AGBL1: variants seen among roughly 807,000 people sequenced by gnomAD.
AGBL1 encodes the protein AGBL carboxypeptidase 1, also known as cytosolic carboxypeptidase 4.
In AGBL1, 130 loss-of-function variants were observed where a neutral mutation model predicts 118.9. The ratio of observed to expected loss-of-function variants is 1.09; its 90% confidence interval spans 0.95 to 1.26. The LOEUF (loss-of-function observed/expected upper bound fraction) is 1.26, where lower values mean the gene tolerates loss of function less well. Among genes scored for constraint, AGBL1 ranks in the 50% most tolerant of loss-of-function variants. The pLI is 0.00. For missense variants in AGBL1, 1,584 were observed against 1,298.1 expected (o/e 1.22, Z -3.38); for synonymous variants, 555 against 478.9 (o/e 1.16, Z -2.08).
chr15:86,303,521 G>A (rs190606854), intron 17 of AGBL1, among the ~76,000 whole-genome samples: 3 of 152,172 alleles, frequency 2.0e-5, no homozygotes, highest in South Asian at 2.1e-4. Context: ...GACTGTTGTC[G>A]GGGGATAAGA....
intron 17 of AGBL1, among the ~76,000 whole-genome samples, chr15:86,378,696 T>C (rs1174555225): frequency 6.6e-6 from 1 of 152,036 alleles, no homozygotes; most frequent in Non-Finnish European, 1.5e-5. Flanking sequence ...TTATTATTAT[T>C]ATTATACCCA....
chr15:86,866,778 G>A (rs1301041066), intron 22 of AGBL1, among the ~76,000 whole-genome samples: 1 of 152,172 alleles, frequency 6.6e-6, no homozygotes, highest in East Asian at 1.9e-4. Context: ...CTTGAACCTG[G>A]GAGGCAGAGG....
At chr15:86,184,849 C>T (rs1026023652) in intron 5 of AGBL1, among the ~76,000 whole-genome samples, 2 of 152,118 alleles carry the variant, frequency 1.3e-5, no homozygotes, top group Non-Finnish European at 2.9e-5. Flanking sequence ...GCCAAAAGAA[C>T]AGAACTGGAG....
At position 86,564,061 on chromosome 15, in the gene AGBL1, G is replaced by T. The variant is rs200347538; in HGVS notation, c.2994+9524G>T. ...GATGGGTCTCCTGAATACAGCACAC[G>T]GATGGGTCTTGACTCTTTATCCAAT... is the stretch of plus-strand genomic sequence containing the variant. On this transcript the variant is annotated intron_variant, in intron 21 of 22. Coordinates refer to ENST00000614907, the MANE Select transcript of AGBL1 (RefSeq NM_001386094.1). Among the ~76,000 whole-genome samples the T allele has an allele frequency of 6.4e-3, 978 of 152,154 alleles. 8 individuals carry two copies. Among genetic ancestry groups the T allele is most frequent in the South Asian group, 0.044 (211 of 4,822 alleles).
chr15:86,205,334 GTTTA>G (rs1475798594), intron 5 of AGBL1, among the ~76,000 whole-genome samples: 1 of 152,152 alleles, frequency 6.6e-6, no homozygotes, highest in Non-Finnish European at 1.5e-5. Flanking sequence ...ATGTAGCAAA[GTTTA>G]TTTATTCATT....
At chr15:86,669,622 AGG>A (rs1271046232) in intron 21 of AGBL1, among the ~76,000 whole-genome samples, 2 of 152,204 alleles carry the variant, frequency 1.3e-5, no homozygotes, top group Non-Finnish European at 2.9e-5. Flanking sequence ...ATCCAAGATA[AGG>A]AGAAGATCTT....
intron 17 of AGBL1, chr15:86,296,414 C>G (rs1206208356): frequency 1.3e-5 from 2 of 148,902 alleles, no homozygotes; most frequent in South Asian, 4.3e-4. Context: ...ACAGCCTTCC[C>G]TGATGAAGAC....
chr15:86,399,040 C>G (rs1255318118), intron 18 of AGBL1, among the ~76,000 whole-genome samples: 3 of 152,046 alleles, frequency 2.0e-5, no homozygotes, highest in Non-Finnish European at 4.4e-5. Flanking sequence ...GAATGTTGGG[C>G]AGAGAGCAGG....
At chr15:86,570,342 G>A (rs2083986815) in intron 21 of AGBL1, among the ~76,000 whole-genome samples, 1 of 152,222 alleles carries the variant, frequency 6.6e-6, no homozygotes, top group Admixed American at 6.5e-5. Flanking sequence ...AATAGGGGAA[G>A]TACAGAGATT....
At chr15:86,112,367 G>T (rs992659464) in intron 1 of AGBL1, among the ~76,000 whole-genome samples, 3 of 152,058 alleles carry the variant, frequency 2.0e-5, no homozygotes, top group African/African-American at 7.2e-5. Context: ...AACAAAAAAC[G>T]ACATGCTACA....
chr15:86,194,201 T>C (rs2077764789), intron 5 of AGBL1, among the ~76,000 whole-genome samples: 1 of 152,240 alleles, frequency 6.6e-6, no homozygotes, highest in African/African-American at 2.4e-5. Context: ...ATCGTTTGGC[T>C]GGGCTGCTCT....
intron 5 of AGBL1, among the ~76,000 whole-genome samples, chr15:86,222,938 A>G (rs74533927): frequency 6.6e-6 from 1 of 152,310 alleles, no homozygotes; most frequent in Non-Finnish European, 1.5e-5. Context: ...CATATAAATT[A>G]TCTGTTAGAA....
intron 22 of AGBL1, among the ~76,000 whole-genome samples, chr15:86,779,920 AAC>A (rs201278408): frequency 2.6e-4 from 28 of 106,720 alleles, no homozygotes; most frequent in Admixed American, 3.7e-4. Flanking sequence ...ACACCCCCCC[AAC>A]ACACACACAC....
In AGBL1 at chr15:86,874,238, G is replaced by C. The variant is rs531768810; in HGVS notation, c.3159-32849G>C. 6.1e-4 allele frequency among the ~76,000 whole-genome samples: 93 copies of C among 152,154 alleles called. 1 individual carries two copies. In the Middle Eastern group the frequency reaches 0.037, roughly 61 times the overall value. On this transcript the variant is annotated intron_variant, in intron 22 of 22. Transcript: ENST00000614907. ...CCACAGGGCATGGTAACTGTCCCAA[G>C]AGTTGCTTAAATAAAAGAAAAAAAT...
intron 18 of AGBL1, among the ~76,000 whole-genome samples, chr15:86,471,731 T>G (rs1033950280): frequency 6.6e-6 from 1 of 152,166 alleles, no homozygotes; most frequent in Non-Finnish European, 1.5e-5. Flanking sequence ...AAGTAAAATG[T>G]GCACTAATGT....
intron 22 of AGBL1, among the ~76,000 whole-genome samples, chr15:86,774,680 C>A (rs999180672): frequency 6.6e-6 from 1 of 151,918 alleles, no homozygotes; most frequent in African/African-American, 2.4e-5. Flanking sequence ...ATGGGAGGTA[C>A]AGTATGAGAA....
At chr15:86,731,566 A>G (rs1474268298) in intron 22 of AGBL1, among the ~76,000 whole-genome samples, 1 of 152,224 alleles carries the variant, frequency 6.6e-6, no homozygotes, top group Non-Finnish European at 1.5e-5. Flanking sequence ...TGATCCTGCA[A>G]AGCTAGGAAG....
intron 22 of AGBL1, among the ~76,000 whole-genome samples, chr15:86,699,487 C>T (rs1452453): frequency 0.46 from 69,452 of 151,828 alleles, 16,562 homozygotes; most frequent in East Asian, 0.76. Flanking sequence ...AGATTCATTT[C>T]GTTTTCAAAT....
At chr15:86,798,053 C>A (rs1196077522) in intron 22 of AGBL1, among the ~76,000 whole-genome samples, 2 of 152,156 alleles carry the variant, frequency 1.3e-5, no homozygotes, top group African/African-American at 2.4e-5. Context: ...AAATGGCCGA[C>A]CACTTGGTAC....
Sources: allele counts gnomAD v4.1 joint callset (sites outside exome capture counted in the v4.1 genomes callset), GRCh38; gene constraint gnomAD v4.1.1; transcripts MANE v1.5; gene names NCBI Gene and HGNC (gene_info 2026-07-23, HGNC 2026-07-21).